Variants in MAP3K13 observed in about 807,000 individuals in gnomAD.
MAP3K13 encodes the protein leucine zipper-bearing kinase.
A neutral mutation model predicts 104.0 loss-of-function variants in MAP3K13; 52 were observed. That is an observed-to-expected ratio of 0.50 (90% CI 0.40 to 0.63). The LOEUF is 0.63. Among genes scored for constraint, MAP3K13 ranks in the 20% least tolerant of loss-of-function variants. MAP3K13 has a pLI of 0.00. For missense variants in MAP3K13, 914 were observed against 1,218.5 expected, an observed-to-expected ratio of 0.75 and a Z score of 3.72; for synonymous variants, 394 against 442.2, an observed-to-expected ratio of 0.89 and a Z score of 1.37.
intron 2 of MAP3K13, among the ~76,000 whole-genome samples, chr3:185,430,451 C>G (rs564697323): frequency 2.2e-4 from 33 of 152,080 alleles, no homozygotes; most frequent in Non-Finnish European, 3.8e-4. Context: ...TTTCTCCCCC[C>G]ACCCTCCACC....
chr3:185,334,614 T>A (rs1178604832), intron 2 of MAP3K13, among the ~76,000 whole-genome samples: 2 of 152,012 alleles, frequency 1.3e-5, no homozygotes, highest in Non-Finnish European at 1.5e-5. Context: ...TTTTTTTTTT[T>A]TTCTTTTTTT....
At chr3:185,365,000 A>T (rs986778258) in intron 1 of MAP3K13, among the ~76,000 whole-genome samples, 4 of 152,192 alleles carry the variant, frequency 2.6e-5, no homozygotes, top group African/African-American at 7.2e-5. Flanking sequence ...TAGGATATTT[A>T]AAAAATGTTG....
At chr3:185,381,409 G>C (rs1331453216) in intron 1 of MAP3K13, among the ~76,000 whole-genome samples, 2 of 152,312 alleles carry the variant, frequency 1.3e-5, no homozygotes, top group East Asian at 3.9e-4. Context: ...CTAGTGGCTA[G>C]AATCTATTTT....
chr3:185,409,849 G>A (rs192243261), intron 1 of MAP3K13, among the ~76,000 whole-genome samples: 5 of 152,286 alleles, frequency 3.3e-5, no homozygotes, highest in Admixed American at 6.5e-5. Flanking sequence ...GATGAGCCTA[G>A]AGCAGCAGTC....
At chr3:185,434,705 A>G (rs898679169) in intron 2 of MAP3K13, among the ~76,000 whole-genome samples, 1 of 152,210 alleles carries the variant, frequency 6.6e-6, no homozygotes, top group Non-Finnish European at 1.5e-5. Context: ...TGGGTGTGGG[A>G]TGAGCTTTCA....
At chr3:185,463,753 C>T (rs1401152383) in intron 8 of MAP3K13, 94 bp downstream of exon 8, 10 of 667,350 alleles carry the variant, frequency 1.5e-5, no homozygotes, top group Non-Finnish European at 2.7e-5. Context: ...ACTTTCCACA[C>T]ACCTTTCACC....
chr3:185,409,061 T>C (rs1238420181), intron 1 of MAP3K13, among the ~76,000 whole-genome samples: 3 of 152,192 alleles, frequency 2.0e-5, no homozygotes. Context: ...GGAGCGTGTG[T>C]CCTGCCTTAG....
intron 1 of MAP3K13, among the ~76,000 whole-genome samples, chr3:185,391,429 A>G (rs999672710): frequency 5.3e-5 from 8 of 152,272 alleles, no homozygotes; most frequent in African/African-American, 1.7e-4. Context: ...GCTAAATAAT[A>G]CATCTCAAGG....
At chr3:185,416,607 C>T (rs755491628) in intron 1 of MAP3K13, among the ~76,000 whole-genome samples, 3 of 151,990 alleles carry the variant, frequency 2.0e-5, no homozygotes, top group Non-Finnish European at 4.4e-5. Flanking sequence ...ACAGACTGGA[C>T]AAGAAATAAC....
intron 1 of MAP3K13, among the ~76,000 whole-genome samples, chr3:185,403,932 C>G (rs186050472): frequency 5.3e-5 from 8 of 152,320 alleles, no homozygotes; most frequent in Middle Eastern, 3.4e-3. Flanking sequence ...CCCCTCCTTC[C>G]TTTCCTTTTA....
At position 185,428,881 on chromosome 3, in the gene MAP3K13, G is replaced by C; in HGVS notation, c.300G>C (p.Gly100=). The C allele has an allele frequency of 2.5e-6, 4 of 1,614,204 alleles. No homozygotes were observed. The South Asian group carries it at 4.4e-5, about 18-fold the overall frequency. Residue 100 remains glycine (G), a synonymous_variant, in exon 2 of 14, where the codon GGG becomes GGC. Transcript: ENST00000265026. The part of the protein sequence containing the change: ...HDESETAVSQ[G]NSNTVDGEST... ...AATCAGAGACGGCGGTGTCTCAGGG[G>C]AACAGCAACACGGTGGACGGAGAGA...
chr3:185,481,534 C>A (rs1482116899), intron 13 of MAP3K13, among the ~76,000 whole-genome samples: 1 of 152,004 alleles, frequency 6.6e-6, no homozygotes, highest in Non-Finnish European at 1.5e-5. Context: ...CCACTCCATA[C>A]CCTGACTCTT....
At position 185,386,598 on chromosome 3, in the gene MAP3K13, C is replaced by T. The variant is rs147482971; in HGVS notation, c.-86+23230C>T. Among the ~76,000 whole-genome samples the T allele has an allele frequency of 2.7e-4, 41 of 152,238 alleles. 1 individual carries two copies. The highest frequency in any genetic ancestry group is 6.0e-4 in the African/African-American group (25 of 41,522). ...TCACTCTACTCTAAAAACACATGCA[C>T]GCGTATGTTCATTGCAGCACTATTC... On this transcript the variant is annotated intron_variant, in intron 1 of 13. Transcript: ENST00000265026.
chr3:185,457,906 T>G (rs1716860183), intron 7 of MAP3K13, among the ~76,000 whole-genome samples: 1 of 152,228 alleles, frequency 6.6e-6, no homozygotes, highest in Non-Finnish European at 1.5e-5. Flanking sequence ...TGTCACTTCA[T>G]ACTGTGTGGT....
chr3:185,285,179 C>T (rs1386144460), intron 1 of MAP3K13, among the ~76,000 whole-genome samples: 3 of 152,128 alleles, frequency 2.0e-5, no homozygotes, highest in African/African-American at 7.2e-5. Context: ...TTTAAGTTTA[C>T]ATACCCTTAA....
intron 1 of MAP3K13, among the ~76,000 whole-genome samples, chr3:185,415,306 C>T (rs1249259950): frequency 6.6e-6 from 1 of 151,804 alleles, no homozygotes; most frequent in Non-Finnish European, 1.5e-5. Context: ...GCATGTGCCA[C>T]CATGCCTAGC....
chr3:185,419,221 C>T (rs748167198), intron 1 of MAP3K13, among the ~76,000 whole-genome samples: 12 of 152,092 alleles, frequency 7.9e-5, no homozygotes, highest in Admixed American at 1.3e-4. Context: ...AGGCTGGTCT[C>T]GAACTCCTGA....
chr3:185,477,432 G>A, intron 12 of MAP3K13, 36 bp downstream of exon 12: 2 of 1,532,712 alleles, frequency 1.3e-6, no homozygotes, highest in East Asian at 2.2e-5. Context: ...GCTTTTAGTG[G>A]AATGGGGAAA....
intron 7 of MAP3K13, among the ~76,000 whole-genome samples, chr3:185,456,766 T>C (rs1332516958): frequency 2.0e-5 from 3 of 151,964 alleles, no homozygotes; most frequent in Admixed American, 6.6e-5. Flanking sequence ...CACACTCGGT[T>C]AATTTTTGTA....
Sources: gnomAD v4.1 joint callset for allele counts (sites outside exome capture counted in the v4.1 genomes callset) on GRCh38, gnomAD v4.1.1 for gene constraint, MANE v1.5 for transcripts, NCBI Gene and HGNC (gene_info 2026-07-23, HGNC 2026-07-21) for gene names.